Variants in PTPN3 observed in about 807,000 individuals in gnomAD.
PTPN3 encodes the protein protein tyrosine phosphatase non-receptor type 3.
In PTPN3, 96 loss-of-function variants were observed where a neutral mutation model predicts 132.7. The observed-to-expected ratio is 0.72, with a 90% CI of 0.61 to 0.86. PTPN3 has a LOEUF of 0.86. Ranked by LOEUF, PTPN3 falls within the 40% of genes least tolerant of loss-of-function variation. The pLI is 0.00. For missense variants in PTPN3, 1,125 were observed against 1,159.6 expected (o/e 0.97, Z 0.43); for synonymous variants, 398 against 429.0 (o/e 0.93, Z 0.89).
In PTPN3 at chr9:109,438,183, T is replaced by A; in HGVS notation, c.518A>T (p.Asp173Val). ...ATTTTGATCGGGTATAAAGTGACTA[T>A]CGGAAAGATAGCCTGGATGATGTAT... is the stretch of plus-strand genomic sequence containing the variant. ...SSIHHPGYLS[D>V]SHFIPDQNED... The change falls in exon 8 of 26, where the codon GAT (aspartate) becomes GTT (valine). Residue 173 changes from aspartate (D) to valine (V), a missense_variant. By Grantham distance (152) the Asp-to-Val change is radical. Transcript: ENST00000374541. 2.5e-6 allele frequency: 4 copies of A among 1,613,558 alleles called. No homozygotes were observed. Among genetic ancestry groups the A allele is most frequent in the African/African-American group, 1.3e-5 (1 of 75,030 alleles).
chr9:109,413,291 A>T (rs1389262757), intron 14 of PTPN3, among the ~76,000 whole-genome samples: 2 of 151,982 alleles, frequency 1.3e-5, no homozygotes, highest in Non-Finnish European at 2.9e-5. Flanking sequence ...TGGAGGGGTT[A>T]CTCTTAGTCA....
At chr9:109,494,679 T>C (rs1396019506) in intron 1 of PTPN3, among the ~76,000 whole-genome samples, 8 of 152,176 alleles carry the variant, frequency 5.3e-5, no homozygotes, top group African/African-American at 1.9e-4. Context: ...TGGTGTCTCT[T>C]GCACCTAGCT....
At chr9:109,436,806 A>G in intron 9 of PTPN3, 77 bp downstream of exon 9, 1 of 1,528,118 alleles carries the variant, frequency 6.5e-7, no homozygotes. Flanking sequence ...AAATAGTTTC[A>G]TCAAAGAATT....
chr9:109,427,175 T>G (rs1843341484), intron 11 of PTPN3, 53 bp from the exon 12 acceptor site: 2 of 1,574,974 alleles, frequency 1.3e-6, no homozygotes, highest in African/African-American at 1.4e-5. Context: ...GAGCAGGGAC[T>G]TGTAAGCATT....
intron 2 of PTPN3, among the ~76,000 whole-genome samples, chr9:109,461,753 T>C: frequency 9.6e-6 from 1 of 104,490 alleles, no homozygotes; most frequent in Non-Finnish European, 2.0e-5. Flanking sequence ...AAAGACCTTG[T>C]TTCAGGAAAA....
chr9:109,493,797 G>C (rs554413884), intron 1 of PTPN3, among the ~76,000 whole-genome samples: 1 of 152,318 alleles, frequency 6.6e-6, no homozygotes, highest in South Asian at 2.1e-4. Flanking sequence ...AGGCAGCCAG[G>C]GGGAGGCCGG....
the PTPN3 span, among the ~76,000 whole-genome samples, chr9:109,525,286 G>A: frequency 3.3e-5 from 5 of 152,110 alleles, no homozygotes; most frequent in African/African-American, 1.2e-4. Flanking sequence ...TTGAATCCCT[G>A]AGCTCAAGCG....
At chr9:109,442,721 A>C (rs1418799558) in intron 7 of PTPN3, among the ~76,000 whole-genome samples, 1 of 152,260 alleles carries the variant, frequency 6.6e-6, no homozygotes, top group East Asian at 1.9e-4. Flanking sequence ...GCACTATTCT[A>C]ATAGTTTTAC....
chr9:109,382,456 G>A lies in PTPN3; in HGVS notation c.2383-9C>T. On this transcript the variant is annotated splice_polypyrimidine_tract_variant and intron_variant, in intron 23 of 25. Transcript: ENST00000374541. ...GTGTGTTCTTCCCCGGTCTGTGGGA[G>A]ATGCAGTGGCCTTGGTGAGCCCATC... The A allele has an allele frequency of 6.2e-7, 1 of 1,613,892 alleles. No homozygotes were observed. Among genetic ancestry groups the A allele is most frequent in the African/African-American group, 1.3e-5 (1 of 75,020 alleles).
At chr9:109,480,157 T>C (rs2132099152) in intron 1 of PTPN3, among the ~76,000 whole-genome samples, 1 of 152,304 alleles carries the variant, frequency 6.6e-6, no homozygotes, top group Admixed American at 6.5e-5. Flanking sequence ...TCTGCCCATT[T>C]TTAAAATTTG....
Position 109,472,178 on chromosome 9 carries a change from A to G in PTPN3, c.-17-8727T>C, listed in dbSNP as rs369843596. Among the ~76,000 whole-genome samples the G allele has an allele frequency of 5.7e-4, 87 of 152,350 alleles. No homozygotes were observed. In the South Asian group the frequency reaches 0.017, roughly 30 times the overall value. ...GCAACAGGAAAACTGCCATCATTCAAAAAGGACTGTATCACTTGATATTGC... is the reference window on the plus strand; with the variant it reads ...GCAACAGGAAAACTGCCATCATTCAGAAAGGACTGTATCACTTGATATTGC... On this transcript the variant is annotated intron_variant, in intron 1 of 25. Coordinates refer to ENST00000374541, the MANE Select transcript of PTPN3 (RefSeq NM_002829.4).
chr9:109,476,045 C>T (rs910155346), intron 1 of PTPN3, among the ~76,000 whole-genome samples: 1 of 152,272 alleles, frequency 6.6e-6, no homozygotes, highest in East Asian at 1.9e-4. Flanking sequence ...TTCTCTGGCT[C>T]GGTTTCCCAG....
intron 1 of PTPN3, among the ~76,000 whole-genome samples, chr9:109,481,789 T>C (rs888483005): frequency 1.3e-5 from 2 of 152,222 alleles, no homozygotes; most frequent in East Asian, 3.9e-4. Flanking sequence ...ACTCAGTGTG[T>C]AGCATGTCAC....
chr9:109,394,574 T>C (rs937413415), intron 19 of PTPN3, among the ~76,000 whole-genome samples: 3 of 152,112 alleles, frequency 2.0e-5, no homozygotes, highest in East Asian at 1.9e-4. Context: ...TCCTGAGTAG[T>C]TGGGACTACA....
chr9:109,476,120 G>A (rs529639916), intron 1 of PTPN3, among the ~76,000 whole-genome samples: 1 of 152,112 alleles, frequency 6.6e-6, no homozygotes, highest in Non-Finnish European at 1.5e-5. Flanking sequence ...TAATCCAGGG[G>A]GCCATCTCAG....
At chr9:109,441,121 T>C (rs1844434155) in intron 7 of PTPN3, among the ~76,000 whole-genome samples, 1 of 152,210 alleles carries the variant, frequency 6.6e-6, no homozygotes. Context: ...GTCCCTGCTC[T>C]TACCTACTTA....
chr9:109,388,575 AG>A (rs1480213707), intron 22 of PTPN3, among the ~76,000 whole-genome samples: 38 of 152,334 alleles, frequency 2.5e-4, no homozygotes, highest in African/African-American at 9.1e-4. Flanking sequence ...CAGCAGCCAT[AG>A]GAGTGGCTGG....
chr9:109,505,444 T>G, the PTPN3 span, among the ~76,000 whole-genome samples: 1 of 152,162 alleles, frequency 6.6e-6, no homozygotes, highest in Non-Finnish European at 1.5e-5. Context: ...GGCTAATTTT[T>G]TTTGTTTGTG....
Position 109,422,866 on chromosome 9 carries a change from T to C in PTPN3, c.1002-14A>G, listed in dbSNP as rs776778950. The C allele has an allele frequency of 1.6e-5, 26 of 1,611,408 alleles. No individual in the cohort carries two copies. Among genetic ancestry groups the C allele is most frequent in the Non-Finnish European group, 1.5e-5 (18 of 1,177,900 alleles). On this transcript the variant is annotated splice_polypyrimidine_tract_variant and intron_variant, in intron 12 of 25. Coordinates refer to ENST00000374541, the MANE Select transcript of PTPN3 (RefSeq NM_002829.4). The stretch of plus-strand genomic sequence containing the variant: ...TTATTTACCGACCTGAAAAACCAGA[T>C]GCAGGTTCACTTTCTACACTGACGT...
Sources: allele counts gnomAD v4.1 joint callset (sites outside exome capture counted in the v4.1 genomes callset), GRCh38; gene constraint gnomAD v4.1.1; transcripts MANE v1.5; gene names NCBI Gene and HGNC (gene_info 2026-07-23, HGNC 2026-07-21).